The following TENM3 variants were observed in gnomAD, a reference collection of about 807,000 sequenced individuals.
TENM3 encodes teneurin transmembrane protein 3.
TENM3 carries 63 observed loss-of-function variants against 255.1 expected under a neutral mutation model. The observed-to-expected ratio is 0.25, with a 90% CI of 0.20 to 0.30. TENM3 has a LOEUF of 0.30. Ranked by LOEUF, TENM3 falls within the 10% of genes least tolerant of loss-of-function variation. The probability of loss-of-function intolerance (pLI) is 1.00; values close to 1 mark genes in which losing one functional copy is unlikely to be tolerated. For missense variants in TENM3, 2,929 were observed against 3,461.1 expected (o/e 0.85, Z 3.86); for synonymous variants, 1,306 against 1,322.3 (o/e 0.99, Z 0.27).
the TENM3 span, among the ~76,000 whole-genome samples, chr4:181,493,988 C>T: frequency 3.9e-5 from 6 of 152,086 alleles, no homozygotes; most frequent in Non-Finnish European, 4.4e-5. Flanking sequence ...AGGCAGTAAT[C>T]AAGGAAATTT....
intron 1 of TENM3, among the ~76,000 whole-genome samples, chr4:182,183,969 A>C (rs1234227674): frequency 6.6e-6 from 1 of 152,228 alleles, no homozygotes; most frequent in Non-Finnish European, 1.5e-5. Context: ...TAAAAAAACC[A>C]ATAGTTATAT....
the TENM3 span, among the ~76,000 whole-genome samples, chr4:181,526,487 G>A: frequency 6.6e-6 from 1 of 152,152 alleles, no homozygotes; most frequent in Non-Finnish European, 1.5e-5. Context: ...GAAATGTAAA[G>A]CTCAGCCAAA....
the TENM3 span, among the ~76,000 whole-genome samples, chr4:181,609,572 A>G: frequency 6.6e-6 from 1 of 152,210 alleles, no homozygotes; most frequent in African/African-American, 2.4e-5. Flanking sequence ...ATAAGTGACC[A>G]TTATATTTGT....
intron 4 of TENM3, among the ~76,000 whole-genome samples, chr4:182,624,514 G>A (rs531168960): frequency 1.7e-4 from 26 of 152,258 alleles, no homozygotes; most frequent in African/African-American, 3.1e-4. Flanking sequence ...TGCCACTCAC[G>A]AAGCAGAAGG....
At chr4:182,443,455 G>C (rs369982439) in intron 3 of TENM3, among the ~76,000 whole-genome samples, 9 of 152,102 alleles carry the variant, frequency 5.9e-5, no homozygotes, top group African/African-American at 1.9e-4. Flanking sequence ...ACACCTGATG[G>C]CTTGACTTGG....
chr4:182,250,429 A>G (rs975749117), intron 1 of TENM3, among the ~76,000 whole-genome samples: 2 of 152,182 alleles, frequency 1.3e-5, no homozygotes, highest in African/African-American at 4.8e-5. Flanking sequence ...TTGGCAGATG[A>G]GGAAATGGAA....
chr4:182,039,348 T>C, the TENM3 span, among the ~76,000 whole-genome samples: 1 of 152,168 alleles, frequency 6.6e-6, no homozygotes, highest in Non-Finnish European at 1.5e-5. Flanking sequence ...GGATGTCGCA[T>C]CTGTTCTCCC....
intron 1 of TENM3, among the ~76,000 whole-genome samples, chr4:182,218,169 A>G (rs79444768): frequency 6.6e-6 from 1 of 152,140 alleles, no homozygotes; most frequent in African/African-American, 2.4e-5. Flanking sequence ...CAGTCAAAAT[A>G]TACCTGACCC....
chr4:182,764,701 G>A (rs1452275078), intron 22 of TENM3, among the ~76,000 whole-genome samples: 1 of 152,164 alleles, frequency 6.6e-6, no homozygotes, highest in East Asian at 1.9e-4. Flanking sequence ...GTGGGGAGGA[G>A]GGAGATAAGA....
At chr4:182,464,965 T>C (rs1274152710) in intron 3 of TENM3, among the ~76,000 whole-genome samples, 2 of 152,218 alleles carry the variant, frequency 1.3e-5, no homozygotes, top group East Asian at 3.9e-4. Context: ...TGTTTACTGC[T>C]GAATTAACCA....
the TENM3 span, among the ~76,000 whole-genome samples, chr4:181,642,435 A>T: frequency 6.6e-6 from 1 of 151,994 alleles, no homozygotes; most frequent in Non-Finnish European, 1.5e-5. Context: ...GTTCACTCTG[A>T]TGGTAGTTTC....
rs144154102 is a variant in TENM3, at chr4:182,582,077, G to T, written c.512-18847G>T. ...TCTGTTCCCCTATTTAATATGCAGT[G>T]TAGTTTCCCTGTAACGGAAGAATGC... On this transcript the variant is annotated intron_variant, in intron 3 of 27. Transcript: ENST00000511685. 2.0e-3 allele frequency among the ~76,000 whole-genome samples: 312 copies of T among 152,268 alleles called. 1 individual carries two copies. Among genetic ancestry groups the T allele is most frequent in the African/African-American group, 7.3e-3 (303 of 41,558 alleles).
At chr4:182,311,892 A>T (rs376236708) in intron 1 of TENM3, among the ~76,000 whole-genome samples, 9 of 152,170 alleles carry the variant, frequency 5.9e-5, no homozygotes, top group East Asian at 3.9e-4. Context: ...AAATATGGAA[A>T]GCTGTAGTTG....
At chr4:182,439,002 C>T (rs1249126284) in intron 3 of TENM3, among the ~76,000 whole-genome samples, 5 of 152,136 alleles carry the variant, frequency 3.3e-5, no homozygotes, top group African/African-American at 7.2e-5. Flanking sequence ...AAAATCTACA[C>T]GTGGACACTT....
intron 3 of TENM3, among the ~76,000 whole-genome samples, chr4:182,459,448 A>C (rs566140409): frequency 6.6e-6 from 1 of 152,306 alleles, no homozygotes; most frequent in South Asian, 2.1e-4. Flanking sequence ...AGAACAATTA[A>C]ATTTTGGAAT....
At chr4:182,037,525 A>C in the TENM3 span, among the ~76,000 whole-genome samples, 1 of 152,156 alleles carries the variant, frequency 6.6e-6, no homozygotes, top group Non-Finnish European at 1.5e-5. Context: ...TATCAAATGT[A>C]TTTTCCTAGG....
chr4:182,074,999 C>T, the TENM3 span, among the ~76,000 whole-genome samples: 1 of 151,940 alleles, frequency 6.6e-6, no homozygotes, highest in Non-Finnish European at 1.5e-5. Context: ...TTCCAGTGTC[C>T]ACGGGGGTTA....
the TENM3 span, among the ~76,000 whole-genome samples, chr4:181,718,667 G>C: frequency 6.6e-6 from 1 of 152,152 alleles, no homozygotes; most frequent in South Asian, 2.1e-4. Context: ...AGAGTTTCTA[G>C]GCTTACCTGG....
chr4:181,510,764 G>A, the TENM3 span, among the ~76,000 whole-genome samples: 26 of 152,196 alleles, frequency 1.7e-4, no homozygotes, highest in African/African-American at 6.0e-4. Context: ...GAACTCTGGT[G>A]AGGAGGGAGT....
Sources: gnomAD v4.1 joint callset for allele counts (sites outside exome capture counted in the v4.1 genomes callset) on GRCh38, gnomAD v4.1.1 for gene constraint, MANE v1.5 for transcripts, NCBI Gene and HGNC (gene_info 2026-07-23, HGNC 2026-07-21) for gene names.